SCAPER: variants seen among roughly 807,000 people sequenced by gnomAD.
SCAPER encodes S phase cyclin A-associated protein in the endoplasmic reticulum.
In SCAPER, 98 loss-of-function variants were observed where a neutral mutation model predicts 182.2. That is an observed-to-expected ratio of 0.54 (90% CI 0.46 to 0.64). SCAPER has a LOEUF of 0.64. SCAPER is among the 30% of genes least tolerant of loss of function. The pLI is 0.00. For missense variants in SCAPER, 1,432 were observed against 1,690.0 expected, an observed-to-expected ratio of 0.85 and a Z score of 2.68; for synonymous variants, 605 against 564.6, an observed-to-expected ratio of 1.07 and a Z score of -1.01.
intron 7 of SCAPER, 24 bp downstream of exon 7, chr15:76,800,224 T>C (rs1369696535): frequency 2.5e-6 from 3 of 1,218,622 alleles, no homozygotes; most frequent in Non-Finnish European, 3.6e-6. Context: ...CAAGTCTTAG[T>C]AGTTTTTTCT....
At chr15:76,479,062 T>G (rs148233544) in intron 24 of SCAPER, among the ~76,000 whole-genome samples, 234 of 152,276 alleles carry the variant, frequency 1.5e-3, no homozygotes, top group African/African-American at 5.4e-3. Flanking sequence ...TTACATTATA[T>G]AGAAAAGTCA....
chr15:76,402,009 C>A (rs545626391), intron 27 of SCAPER, among the ~76,000 whole-genome samples: 1 of 152,230 alleles, frequency 6.6e-6, no homozygotes, highest in South Asian at 2.1e-4. Flanking sequence ...TGCCTGTAAT[C>A]CAAGCTACTC....
chr15:76,675,849 G>T, intron 20 of SCAPER, among the ~76,000 whole-genome samples: 1 of 151,532 alleles, frequency 6.6e-6, no homozygotes, highest in African/African-American at 2.4e-5. Context: ...TTTTGAGATG[G>T]AGTCCCACTC....
chr15:76,775,302 C>A (rs1273613696), intron 8 of SCAPER, among the ~76,000 whole-genome samples, 185 bp from the exon 9 acceptor site: 1 of 151,730 alleles, frequency 6.6e-6, no homozygotes, highest in African/African-American at 2.4e-5. Context: ...TATAATTATT[C>A]CTACTTTACA....
chr15:76,576,980 A>G, intron 22 of SCAPER: 1 of 152,322 alleles, frequency 6.6e-6, no homozygotes, highest in Non-Finnish European at 1.5e-5. Flanking sequence ...TTCCTGGGCA[A>G]GTCCTGGTGT....
chr15:76,567,355 G>C (rs1309577167), intron 23 of SCAPER: 1 of 453,974 alleles, frequency 2.2e-6, no homozygotes, highest in Non-Finnish European at 4.4e-6. Flanking sequence ...TTGAACATTT[G>C]TGTATATCTT....
chr15:76,671,692 C>T (rs990171941), intron 20 of SCAPER, among the ~76,000 whole-genome samples: 2 of 151,770 alleles, frequency 1.3e-5, no homozygotes, highest in Non-Finnish European at 2.9e-5. Flanking sequence ...ATGGTGTGAA[C>T]CCGGGAGGCG....
intron 29 of SCAPER, among the ~76,000 whole-genome samples, chr15:76,368,773 C>T (rs764840133): frequency 7.2e-5 from 11 of 152,094 alleles, no homozygotes; most frequent in African/African-American, 1.7e-4. Flanking sequence ...AAAATGAGTA[C>T]GCAAAGGTGC....
chr15:76,605,527 A>G (rs1352135257), intron 22 of SCAPER, among the ~76,000 whole-genome samples: 2 of 152,196 alleles, frequency 1.3e-5, no homozygotes, highest in African/African-American at 4.8e-5. Context: ...TCAGGTTGAT[A>G]CTGGCCTCAT....
chr15:76,611,769 A>G (rs776579073), intron 22 of SCAPER, among the ~76,000 whole-genome samples: 5 of 152,218 alleles, frequency 3.3e-5, no homozygotes, highest in Admixed American at 6.5e-5. Flanking sequence ...CTTCAACCCC[A>G]GGATGCAAGG....
intron 23 of SCAPER, among the ~76,000 whole-genome samples, chr15:76,554,086 A>G (rs1472820400): frequency 6.6e-6 from 1 of 152,232 alleles, no homozygotes; most frequent in Non-Finnish European, 1.5e-5. Flanking sequence ...AAGGAATACA[A>G]TAAAACAATA....
chr15:76,537,574 G>A (rs1330134245), intron 23 of SCAPER, among the ~76,000 whole-genome samples: 1 of 151,938 alleles, frequency 6.6e-6, no homozygotes, highest in African/African-American at 2.4e-5. Context: ...AATTCAAGAT[G>A]GATTAAAGAC....
chr15:76,554,877 G>T (rs371381947), intron 23 of SCAPER, among the ~76,000 whole-genome samples: 3 of 151,888 alleles, frequency 2.0e-5, no homozygotes, highest in East Asian at 1.9e-4. Flanking sequence ...TGCCTACGGG[G>T]TTCAAGTGAT....
At chr15:76,531,654 A>T (rs562785630) in intron 23 of SCAPER, among the ~76,000 whole-genome samples, 2 of 152,100 alleles carry the variant, frequency 1.3e-5, no homozygotes, top group South Asian at 2.1e-4. Context: ...TATATGTTAA[A>T]AAAAAAAAGA....
chr15:76,652,273 A>AAATATATATATATAT, intron 21 of SCAPER, among the ~76,000 whole-genome samples: 1 of 12,870 alleles, frequency 7.8e-5, no homozygotes, highest in African/African-American at 3.2e-4. Context: ...AAAAAAAAAA[A>AAATATATATATATAT]ATATATATAT....
rs989796411 is a variant in SCAPER at position 76,704,811 on chromosome 15, T to G, written c.2247+1092A>C. Among the ~76,000 whole-genome samples the G allele has an allele frequency of 5.3e-5, 8 of 152,036 alleles. No individual in the cohort carries two copies. The South Asian group carries it at 8.3e-4, about 16-fold the overall frequency. On this transcript the variant is annotated intron_variant, in intron 18 of 31. Coordinates refer to ENST00000563290, the MANE Select transcript of SCAPER (RefSeq NM_020843.4). ...CATGAAAAAATGCTCATCATCACTC[T>G]CCATCAGAGAAATGCAAATCAAAAC...
intron 24 of SCAPER, among the ~76,000 whole-genome samples, chr15:76,502,933 A>G (rs1310387174): frequency 2.6e-5 from 4 of 152,164 alleles, no homozygotes; most frequent in African/African-American, 9.7e-5. Flanking sequence ...CCTAAACAAG[A>G]GGCAGAGATA....
At chr15:76,631,803 T>C (rs754335849) in intron 21 of SCAPER, among the ~76,000 whole-genome samples, 8 of 152,058 alleles carry the variant, frequency 5.3e-5, no homozygotes, top group Non-Finnish European at 8.8e-5. Flanking sequence ...CTGGGGTTCT[T>C]TGGTTGTCAT....
At chr15:76,698,916 G>A (rs1418143933) in intron 20 of SCAPER, among the ~76,000 whole-genome samples, 1 of 152,156 alleles carries the variant, frequency 6.6e-6, no homozygotes, top group Admixed American at 6.5e-5. Flanking sequence ...TTTTGCATTT[G>A]TTTGTGTTAT....
Sources: gnomAD v4.1 joint callset for allele counts (sites outside exome capture counted in the v4.1 genomes callset) on GRCh38, gnomAD v4.1.1 for gene constraint, MANE v1.5 for transcripts, NCBI Gene and HGNC (gene_info 2026-07-23, HGNC 2026-07-21) for gene names.